The following ADCY8 variants were observed in gnomAD, a reference collection of about 807,000 sequenced individuals.
The protein encoded by ADCY8 is adenylate cyclase 8, also known as adenylate cyclase type 8.
In ADCY8, 51 loss-of-function variants were observed where a neutral mutation model predicts 119.7. That is an observed-to-expected ratio of 0.43 (90% CI 0.34 to 0.54). ADCY8 has a LOEUF of 0.54. Ranked by LOEUF, ADCY8 falls within the 20% of genes least tolerant of loss-of-function variation. The pLI, the probability that ADCY8 is intolerant of heterozygous loss-of-function variation, is 0.03. For synonymous variants in ADCY8, 665 were observed against 651.0 expected, an observed-to-expected ratio of 1.02 and a Z score of -0.33; for missense variants, 1,383 against 1,598.8, an observed-to-expected ratio of 0.87 and a Z score of 2.30.
chr8:130,992,403 A>AGCAAC, intron 1 of ADCY8, among the ~76,000 whole-genome samples: 5 of 31,390 alleles, frequency 1.6e-4, no homozygotes, highest in African/African-American at 6.4e-4. Flanking sequence ...ATATATATAT[A>AGCAAC]TATATATATA....
In ADCY8 at chr8:131,040,008, A is replaced by G; in HGVS notation, c.326T>C (p.Phe109Ser). ...RAHSTCGTKV[F>S]PERSGSGSAS... is the part of the protein sequence containing the mutation. ...ACTGCCGCTCCCGCTGCGTTCCGGG[A>G]AGACTTTGGTGCCGCAGGTGCTGTG... The change falls in exon 1 of 18, where the codon TTC becomes TCC. Residue 109 changes from phenylalanine (F) to serine (S), a missense_variant. Phe to Ser is a radical substitution (Grantham distance 155). Coordinates refer to ENST00000286355, the MANE Select transcript of ADCY8 (RefSeq NM_001115.3). 6.4e-7 allele frequency: 1 copy of G among 1,562,052 alleles called. No homozygotes were observed. The highest frequency in any genetic ancestry group is 8.7e-7 in the Non-Finnish European group (1 of 1,155,954).
chr8:131,030,803 A>G (rs1221447963), intron 1 of ADCY8, among the ~76,000 whole-genome samples: 10 of 152,194 alleles, frequency 6.6e-5, no homozygotes, highest in Admixed American at 5.2e-4. Context: ...AGCCCAGCAA[A>G]ATCATTTTTT....
At chr8:130,855,521 AG>A (rs1817700577) in intron 9 of ADCY8, among the ~76,000 whole-genome samples, 1 of 152,008 alleles carries the variant, frequency 6.6e-6, no homozygotes, top group Non-Finnish European at 1.5e-5. Context: ...GTGAGGGTCC[AG>A]GTCTCTTCCC....
At chr8:130,955,448 C>T (rs2130668755) in intron 2 of ADCY8, among the ~76,000 whole-genome samples, 1 of 152,218 alleles carries the variant, frequency 6.6e-6, no homozygotes. Flanking sequence ...AAAAATCCCT[C>T]CAAGCCCCAT....
intron 5 of ADCY8, among the ~76,000 whole-genome samples, chr8:130,912,239 A>G (rs1382361055): frequency 6.6e-6 from 1 of 152,168 alleles, no homozygotes; most frequent in African/African-American, 2.4e-5. Flanking sequence ...TCTCCTGTAA[A>G]CTAATTGAGA....
intron 15 of ADCY8, among the ~76,000 whole-genome samples, chr8:130,796,524 G>A (rs1474495787): frequency 1.3e-5 from 2 of 152,128 alleles, no homozygotes; most frequent in Non-Finnish European, 2.9e-5. Flanking sequence ...AAGAAGAGAA[G>A]CATCAGTATT....
At chr8:130,911,527 G>T (rs553442785) in intron 5 of ADCY8, among the ~76,000 whole-genome samples, 1 of 151,634 alleles carries the variant, frequency 6.6e-6, no homozygotes, top group African/African-American at 2.4e-5. Context: ...TTTTTAAAAA[G>T]AATTATGTTT....
In ADCY8 at chr8:131,040,049, G is replaced by A. The variant is rs2130824408; in HGVS notation, c.285C>T (p.Gly95=). The A allele has an allele frequency of 6.5e-7, 1 of 1,547,262 alleles. No homozygotes were observed. The highest frequency in any genetic ancestry group is 8.7e-7 in the Non-Finnish European group (1 of 1,151,168). The part of the protein sequence containing the change: ...GDSALPLYSL[G]PGERAHSTCG... ...AGGTGCTGTGCGCTCGCTCTCCCGG[G>A]CCCAGCGAGTAGAGGGGCAGCGCCG... is the stretch of plus-strand genomic sequence containing the variant. Residue 95 remains glycine (G), a synonymous_variant, in exon 1 of 18, where the codon GGC becomes GGT. Transcript: ENST00000286355.
At chr8:130,827,807 C>T (rs562848614) in intron 12 of ADCY8, among the ~76,000 whole-genome samples, 13 of 152,278 alleles carry the variant, frequency 8.5e-5, no homozygotes, top group African/African-American at 3.1e-4. Context: ...CAACTCTATC[C>T]TTTCATTTTG....
At chr8:130,890,435 T>A (rs1251988426) in intron 7 of ADCY8, among the ~76,000 whole-genome samples, 1 of 152,166 alleles carries the variant, frequency 6.6e-6, no homozygotes, top group Non-Finnish European at 1.5e-5. Flanking sequence ...TCCCTTTAGT[T>A]TTTTTCTGTT....
chr8:130,897,984 C>T (rs956156037), intron 7 of ADCY8, among the ~76,000 whole-genome samples: 2 of 151,634 alleles, frequency 1.3e-5, no homozygotes, highest in Admixed American at 6.6e-5. Flanking sequence ...TTCACACACA[C>T]TACACACACA....
intron 11 of ADCY8, among the ~76,000 whole-genome samples, chr8:130,841,712 T>C (rs1415942503): frequency 6.6e-6 from 1 of 152,236 alleles, no homozygotes; most frequent in Non-Finnish European, 1.5e-5. Context: ...TGGAGCTATC[T>C]GGTTGCTGCC....
At chr8:130,900,250 C>T (rs1819551194) in intron 7 of ADCY8, among the ~76,000 whole-genome samples, 1 of 152,152 alleles carries the variant, frequency 6.6e-6, no homozygotes, top group African/African-American at 2.4e-5. Flanking sequence ...CAGGGGCAGA[C>T]AAGACACAGC....
intron 2 of ADCY8, among the ~76,000 whole-genome samples, chr8:130,971,170 A>T (rs758005373): frequency 3.9e-5 from 6 of 152,212 alleles, no homozygotes; most frequent in Non-Finnish European, 8.8e-5. Flanking sequence ...TACTGTGTTA[A>T]CAAGTGGTCA....
intron 2 of ADCY8, among the ~76,000 whole-genome samples, chr8:130,981,140 G>C (rs1022891945): frequency 2.0e-5 from 3 of 152,164 alleles, no homozygotes; most frequent in African/African-American, 4.8e-5. Context: ...TTCAAATGAG[G>C]TGTGGGCAAG....
At chr8:130,839,026 G>A (rs2099503863) in intron 11 of ADCY8, among the ~76,000 whole-genome samples, 1 of 139,624 alleles carries the variant, frequency 7.2e-6, no homozygotes, top group African/African-American at 2.4e-5. Flanking sequence ...GAAAGGGACG[G>A]GCATTTTAGG....
At chr8:130,847,729 A>G (rs1476911516) in intron 10 of ADCY8, among the ~76,000 whole-genome samples, 1 of 152,004 alleles carries the variant, frequency 6.6e-6, no homozygotes, top group Admixed American at 6.6e-5. Flanking sequence ...CTTGCTCAGA[A>G]AGACCTTTTG....
chr8:130,871,723 C>A (rs1437598442), intron 8 of ADCY8, among the ~76,000 whole-genome samples: 4 of 152,112 alleles, frequency 2.6e-5, no homozygotes, highest in African/African-American at 9.7e-5. Flanking sequence ...ATTTTTCCAC[C>A]ATGTTATAAA....
At chr8:130,896,401 G>C (rs1476348392) in intron 7 of ADCY8, among the ~76,000 whole-genome samples, 1 of 152,136 alleles carries the variant, frequency 6.6e-6, no homozygotes, top group Non-Finnish European at 1.5e-5. Flanking sequence ...AAAGTAAGAT[G>C]AGTTTGAATT....
Sources: allele counts gnomAD v4.1 joint callset (sites outside exome capture counted in the v4.1 genomes callset), GRCh38; gene constraint gnomAD v4.1.1; transcripts MANE v1.5; gene names NCBI Gene and HGNC (gene_info 2026-07-23, HGNC 2026-07-21).